The following TTC39A variants were observed in gnomAD, a reference collection of about 807,000 sequenced individuals.
TTC39A encodes the protein tetratricopeptide repeat domain 39A.
A neutral mutation model predicts 82.3 loss-of-function variants in TTC39A; 46 were observed. The observed-to-expected ratio is 0.56, with a 90% CI of 0.44 to 0.71. TTC39A has a LOEUF of 0.71. TTC39A is among the 30% of genes least tolerant of loss of function. The pLI, the probability that TTC39A is intolerant of heterozygous loss-of-function variation, is 0.00. For synonymous variants in TTC39A, 254 were observed against 275.2 expected, an observed-to-expected ratio of 0.92 and a Z score of 0.76; for missense variants, 543 against 712.9, an observed-to-expected ratio of 0.76 and a Z score of 2.71.
chr1:51,288,092 T>C lies in TTC39A; in HGVS notation c.*65A>G, dbSNP rs535788988. ...GGGCAGGGCAGGGGGAGGGGGTATT[T>C]TGAAATGTTTTCAGGAGCTCTGTCC... On this transcript the variant is annotated 3_prime_UTR_variant, in exon 18 of 18. Coordinates refer to ENST00000680483, the MANE Select transcript of TTC39A (RefSeq NM_001297663.2). The surrounding 1 kb of genome is among the most constrained non-coding windows in gnomAD (Gnocchi z 4.8). 138 of 1,598,552 alleles carry C rather than the reference T, an allele frequency of 8.6e-5. No individual in the cohort carries two copies. The African/African-American group carries it at 1.7e-3, about 20-fold the overall frequency.
At chr1:51,331,968 G>T, upstream of TTC39A, 1 of 287,344 alleles carries the variant, frequency 3.5e-6, no homozygotes, top group Non-Finnish European at 5.2e-6. Flanking sequence ...GGGTGAGGCT[G>T]GTGAGACCAC....
intron 1 of TTC39A, among the ~76,000 whole-genome samples, chr1:51,322,962 G>A (rs949913298): frequency 1.2e-4 from 19 of 152,262 alleles, no homozygotes; most frequent in African/African-American, 3.9e-4. Flanking sequence ...AACTGAACTC[G>A]TGTTCATTCT....
chr1:51,321,027 C>G lies in TTC39A; in HGVS notation c.146+694G>C, dbSNP rs1180836060. Among the ~76,000 whole-genome samples, 2 of 152,036 alleles carry G rather than the reference C, an allele frequency of 1.3e-5. No homozygotes were observed. The highest frequency in any genetic ancestry group is 2.9e-5 in the Non-Finnish European group (2 of 68,010). On this transcript the variant is annotated intron_variant, in intron 2 of 17. Transcript: ENST00000680483. This position sits in a 1 kb window ranked among gnomAD's most constrained non-coding sequence, Gnocchi z 4.6. ...AGCTGGGATTACAGGCACACACCAC[C>G]ACACCCAGCTAATTTTTTATATTTT...
intron 12 of TTC39A, 153 bp downstream of exon 12, chr1:51,301,419 T>C (rs1644650959): frequency 3.0e-6 from 3 of 991,146 alleles, no homozygotes; most frequent in South Asian, 1.9e-5. Flanking sequence ...TTGTGGTCTT[T>C]AGTTCCTTCC....
At chr1:51,317,510 A>G (rs1344089927) in intron 2 of TTC39A, among the ~76,000 whole-genome samples, 1 of 152,222 alleles carries the variant, frequency 6.6e-6, no homozygotes, top group East Asian at 1.9e-4. Flanking sequence ...GCACTGTGGG[A>G]GGCCAAGGCG....
chr1:51,320,416 C>CTTTTTTTT (rs57261779), intron 2 of TTC39A, among the ~76,000 whole-genome samples: 5 of 79,468 alleles, frequency 6.3e-5, no homozygotes, highest in African/African-American at 1.0e-4. Context: ...TTTTCTTTTT[C>CTTTTTTTT]TTTTTTTTTT....
chr1:51,345,070 C>A, exon 1 of TTC39A: 3 of 1,345,284 alleles, frequency 2.2e-6, no homozygotes, highest in Non-Finnish European at 1.9e-6. Flanking sequence ...CGGACGGGGC[C>A]GCGGGCGGCC....
intron 6 of TTC39A, among the ~76,000 whole-genome samples, chr1:51,308,771 G>T (rs543182119): frequency 6.6e-6 from 1 of 152,078 alleles, no homozygotes; most frequent in Non-Finnish European, 1.5e-5. Flanking sequence ...CAGAGAGCAC[G>T]TGCATGCACG....
At chr1:51,307,617 C>T (rs1644920333) in intron 6 of TTC39A, among the ~76,000 whole-genome samples, 1 of 151,818 alleles carries the variant, frequency 6.6e-6, no homozygotes. Flanking sequence ...TGTCTGTGGT[C>T]CCAGCCACTC....
intron 12 of TTC39A, chr1:51,296,870 GC>G (rs1008888960): frequency 5.8e-5 from 9 of 154,590 alleles, no homozygotes; most frequent in African/African-American, 2.2e-4. Context: ...TGCACAGCCA[GC>G]CCTGACAGGG....
chr1:51,330,489 G>C lies in TTC39A; in HGVS notation c.-12C>G. 1 of 983,766 alleles carries C rather than the reference G, an allele frequency of 1.0e-6. No individual in the cohort carries two copies. Among genetic ancestry groups the C allele is most frequent in the Non-Finnish European group, 1.2e-6 (1 of 830,218 alleles). The allele number at this position is 983,766 out of a possible 1,614,324, so 60.9% of individuals were successfully genotyped here. A position where few individuals can be genotyped will look rare whatever the true frequency, so the allele number is the denominator to read the frequency against. ...CCAGCCGAGGTCATCGCCGAGGGGC[G>C]CGGGCGGCGCTGCCCCAGCCGGACG... On this transcript the variant is annotated 5_prime_UTR_variant, in exon 1 of 18. Transcript: ENST00000680483. The surrounding 1 kb of genome is among the most constrained non-coding windows in gnomAD (Gnocchi z 4.5).
rs1644398890 is a variant in TTC39A at position 51,295,927 on chromosome 1, C to G, written c.1145+152G>C. 4.1e-6 allele frequency: 3 copies of G among 733,832 alleles called. No individual in the cohort carries two copies. In the South Asian group the frequency reaches 4.9e-5, roughly 12 times the overall value. 45.5% of individuals were successfully genotyped at this position (733,832 alleles called of 1,614,324 possible). A position where few individuals can be genotyped will look rare whatever the true frequency, so the allele number is the denominator to read the frequency against. On this transcript the variant is annotated intron_variant, in intron 13 of 17. Coordinates refer to ENST00000680483, the MANE Select transcript of TTC39A (RefSeq NM_001297663.2). The stretch of plus-strand genomic sequence containing the variant: ...ATGGGGTGGTGATGGGAGGGGAGGA[C>G]ACGCAGGGGGGGCAGTCCGCGGGTG...
Position 51,290,564 on chromosome 1 carries a change from C to A in TTC39A, c.1328G>T (p.Gly443Val), listed in dbSNP as rs567748609. Residue 443 changes from glycine to valine, a missense_variant, in exon 15 of 18, where the codon GGG (glycine) becomes GTG (valine). Physicochemically the swap from Gly to Val is moderately radical, Grantham distance 109. Transcript: ENST00000680483. ...AGCCTTAGTGATAATCTCAAGTATC[C>A]CATCCGTGAGTTTCGGCTGCTTCCC... The part of the protein sequence containing the change: ...VIGKQPKLTD[G>V]ILEIITKAEE... 15 of 1,613,968 alleles carry A rather than the reference C, an allele frequency of 9.3e-6. 1 individual carries two copies. In the South Asian group the frequency reaches 1.5e-4, roughly 17 times the overall value.
intron 1 of TTC39A, among the ~76,000 whole-genome samples, chr1:51,328,749 T>C (rs1174519312): frequency 6.6e-6 from 1 of 152,226 alleles, no homozygotes; most frequent in African/African-American, 2.4e-5. Context: ...TGTGAGTTCA[T>C]TTTACTATTT....
intron 1 of TTC39A, chr1:51,344,857 A>G (rs1570037642): frequency 2.6e-6 from 3 of 1,144,382 alleles, no homozygotes; most frequent in Middle Eastern, 2.1e-4. Context: ...CCTCCGGCCG[A>G]CCCCCACGCC....
chr1:51,306,669 T>G (rs1644878773), intron 6 of TTC39A, among the ~76,000 whole-genome samples: 2 of 152,218 alleles, frequency 1.3e-5, no homozygotes, highest in African/African-American at 4.8e-5. Context: ...ACAGAGCCCC[T>G]AGCCCAGCCA....
intron 1 of TTC39A, among the ~76,000 whole-genome samples, chr1:51,337,398 G>A (rs1359509197): frequency 6.6e-6 from 1 of 151,164 alleles, no homozygotes; most frequent in African/African-American, 2.4e-5. Flanking sequence ...CCTTCTCCGT[G>A]AGGCCTTCCC....
At chr1:51,339,846 C>T (rs892356975) in intron 1 of TTC39A, among the ~76,000 whole-genome samples, 2 of 152,186 alleles carry the variant, frequency 1.3e-5, no homozygotes, top group African/African-American at 4.8e-5. Context: ...CTGTCCCACC[C>T]ATGGCATGGG....
At chr1:51,324,127 T>G (rs1424759435) in intron 1 of TTC39A, among the ~76,000 whole-genome samples, 1 of 152,184 alleles carries the variant, frequency 6.6e-6, no homozygotes, top group East Asian at 1.9e-4. Flanking sequence ...AACCCAAAGT[T>G]TGTGTGATGG....
Sources: gnomAD v4.1 joint callset for allele counts (sites outside exome capture counted in the v4.1 genomes callset) on GRCh38, gnomAD v4.1.1 for gene constraint, Gnocchi (gnomAD v3.1) non-coding constraint, MANE v1.5 for transcripts, NCBI Gene and HGNC (gene_info 2026-07-23, HGNC 2026-07-21) for gene names.